RAB27A: variants seen among roughly 807,000 people sequenced by gnomAD.
RAB27A encodes ras-related protein Rab-27A.
Under a neutral mutation model 20.8 loss-of-function variants are expected in RAB27A, and 17 were observed. The observed-to-expected ratio is 0.82, with a 90% CI of 0.56 to 1.23. The LOEUF (loss-of-function observed/expected upper bound fraction) is 1.23, where lower values mean the gene tolerates loss of function less well. RAB27A is among the 50% of genes most tolerant of loss of function. The pLI, the probability that RAB27A is intolerant of heterozygous loss-of-function variation, is 0.00. For missense variants in RAB27A, 277 were observed against 266.7 expected (o/e 1.04, Z -0.27); for synonymous variants, 85 against 92.8 (o/e 0.92, Z 0.48).
intron 2 of RAB27A, among the ~76,000 whole-genome samples, chr15:55,268,244 G>A (rs775130639): frequency 6.6e-6 from 1 of 152,092 alleles, no homozygotes; most frequent in Non-Finnish European, 1.5e-5. Flanking sequence ...CTGATAATGG[G>A]GGTTGGGGTT....
At chr15:55,211,228 C>T (rs533933569) in intron 6 of RAB27A, among the ~76,000 whole-genome samples, 2 of 151,894 alleles carry the variant, frequency 1.3e-5, no homozygotes, top group African/African-American at 2.4e-5. Context: ...AGGATTTTGT[C>T]AGTTATTGAG....
At chr15:55,302,631 G>T (rs1595755467) in intron 2 of RAB27A, among the ~76,000 whole-genome samples, 1 of 121,328 alleles carries the variant, frequency 8.2e-6, no homozygotes, top group Non-Finnish European at 1.7e-5. Context: ...GAAGTGAGGA[G>T]CGCCTCTTCC....
intron 1 of RAB27A, among the ~76,000 whole-genome samples, chr15:55,274,063 C>A (rs774753985): frequency 6.6e-6 from 1 of 152,126 alleles, no homozygotes; most frequent in African/African-American, 2.4e-5. Flanking sequence ...CTGACCACAC[C>A]GATATGTAAC....
intron 6 of RAB27A, among the ~76,000 whole-genome samples, chr15:55,212,554 C>CAG (rs766972612): frequency 0.26 from 37,113 of 142,154 alleles, 6,460 homozygotes; most frequent in African/African-American, 0.49. Context: ...TTTTTTGAGA[C>CAG]AGTCTCACTC....
At chr15:55,229,250 C>T (rs1895938431) in intron 4 of RAB27A, among the ~76,000 whole-genome samples, 1 of 152,062 alleles carries the variant, frequency 6.6e-6, no homozygotes, top group African/African-American at 2.4e-5. Context: ...AGTCAGTTTC[C>T]TCTCGTCTTT....
At chr15:55,218,906 G>A (rs890285043) in intron 6 of RAB27A, among the ~76,000 whole-genome samples, 1 of 151,848 alleles carries the variant, frequency 6.6e-6, no homozygotes, top group African/African-American at 2.4e-5. Flanking sequence ...TCATACCCAG[G>A]TAATTTTTAT....
At chr15:55,305,734 A>G (rs2054993934) in intron 2 of RAB27A, among the ~76,000 whole-genome samples, 1 of 151,850 alleles carries the variant, frequency 6.6e-6, no homozygotes, top group Non-Finnish European at 1.5e-5. Context: ...CAAGTCTAAA[A>G]CTCTTTGATT....
chr15:55,250,243 CT>C lies in RAB27A; in HGVS notation c.-22-15288del, dbSNP rs549759099. On this transcript the variant is annotated intron_variant, in intron 2 of 6. Coordinates refer to ENST00000336787, the MANE Select transcript of RAB27A (RefSeq NM_183235.3). ...CCTTCCAAGGTGCTGGGATTACAGA[CT>C]TGAGCCACTGCGCCTGGACTCCTTC... is the stretch of plus-strand genomic sequence containing the variant. Among the ~76,000 whole-genome samples the C allele has an allele frequency of 6.8e-4, 103 of 152,236 alleles. 4 individuals are homozygous for C. Among genetic ancestry groups the C allele is most frequent in the Admixed American group, 5.4e-3 (82 of 15,288 alleles).
upstream of RAB27A, among the ~76,000 whole-genome samples, chr15:55,291,024 A>G (rs560222969): frequency 6.6e-6 from 1 of 152,344 alleles, no homozygotes; most frequent in African/African-American, 2.4e-5. Flanking sequence ...GGTGGGTCCA[A>G]TTTACAAAAT....
intron 4 of RAB27A, among the ~76,000 whole-genome samples, chr15:55,230,048 C>A (rs1452004325): frequency 1.3e-5 from 2 of 152,138 alleles, no homozygotes; most frequent in Admixed American, 6.5e-5. Flanking sequence ...TTAATTCCAA[C>A]CAGATATCCC....
At chr15:55,244,485 T>C (rs1896613574) in intron 2 of RAB27A, among the ~76,000 whole-genome samples, 2 of 152,006 alleles carry the variant, frequency 1.3e-5, no homozygotes, top group Admixed American at 1.3e-4. Context: ...CTTTTTGTTG[T>C]TGTTGTTGTT....
At chr15:55,309,260 T>C (rs557882469) in intron 2 of RAB27A, among the ~76,000 whole-genome samples, 2 of 152,354 alleles carry the variant, frequency 1.3e-5, no homozygotes, top group Admixed American at 1.3e-4. Flanking sequence ...GGGATGAGGA[T>C]AAGCCAGTAT....
Position 55,270,260 on chromosome 15 carries a change from C to T in RAB27A, c.-118G>A, listed in dbSNP as rs943922642. The T allele has an allele frequency of 6.6e-6, 1 of 152,116 alleles. No individual in the cohort carries two copies. Among genetic ancestry groups the T allele is most frequent in the Non-Finnish European group, 1.5e-5 (1 of 68,016 alleles). 9.4% of individuals were successfully genotyped at this position (152,116 alleles called of 1,614,324 possible). ...CAATTGACAACTTCCAATCACATGT[C>T]CTCTTCAGGAAGGTTACTTTTTGTC... On this transcript the variant is annotated 5_prime_UTR_variant, in exon 2 of 7. Transcript: ENST00000336787.
Position 55,205,575 on chromosome 15 carries a change from G to C in RAB27A, c.598C>G (p.Arg200Gly). 6.2e-7 allele frequency: 1 copy of C among 1,614,022 alleles called. No homozygotes were observed. The highest frequency in any genetic ancestry group is 8.5e-7 in the Non-Finnish European group (1 of 1,179,982). Residue 200 changes from arginine to glycine, a missense_variant, in exon 7 of 7, where the codon CGA (arginine) becomes GGA (glycine). By Grantham distance (125) the Arg-to-Gly change is moderately radical (BLOSUM62 -2). Transcript: ENST00000336787. Reference protein sequence around the residue: ...DKSWIPEGVVRSNGHASTDQL... With the variant: ...DKSWIPEGVVGSNGHASTDQL... Reference sequence around the variant, plus strand: ...TCCGTAGAGGCATGACCATTTGATCGCACCACTCCTTCAGGAATCCAGGAC... The same window carrying C: ...TCCGTAGAGGCATGACCATTTGATCCCACCACTCCTTCAGGAATCCAGGAC...
At chr15:55,285,324 A>C (rs898860182) in intron 1 of RAB27A, among the ~76,000 whole-genome samples, 3 of 152,002 alleles carry the variant, frequency 2.0e-5, no homozygotes, top group African/African-American at 7.2e-5. Context: ...AAAAAAAAAA[A>C]AAACAGGAAA....
chr15:55,265,686 T>G (rs1897449730), intron 2 of RAB27A, among the ~76,000 whole-genome samples: 1 of 151,502 alleles, frequency 6.6e-6, no homozygotes, highest in Non-Finnish European at 1.5e-5. Context: ...GGAACACATC[T>G]TGGGCTGACT....
chr15:55,317,154 A>T (rs1197862811), intron 1 of RAB27A: 1 of 152,194 alleles, frequency 6.6e-6, no homozygotes, highest in Non-Finnish European at 1.5e-5. Context: ...TAAAATGACA[A>T]ATATACAATA....
At chr15:55,236,973 A>G (rs1345204656) in intron 2 of RAB27A, among the ~76,000 whole-genome samples, 3 of 152,134 alleles carry the variant, frequency 2.0e-5, no homozygotes, top group Non-Finnish European at 2.9e-5. Flanking sequence ...ATGCTTGTAC[A>G]CATTAACCAA....
intron 2 of RAB27A, among the ~76,000 whole-genome samples, chr15:55,235,683 C>T (rs1256919185): frequency 6.6e-6 from 1 of 151,934 alleles, no homozygotes; most frequent in Non-Finnish European, 1.5e-5. Flanking sequence ...CCTCCTTTTT[C>T]AAAGTCTCCT....
Sources: gnomAD v4.1 joint callset for allele counts (sites outside exome capture counted in the v4.1 genomes callset) on GRCh38, gnomAD v4.1.1 for gene constraint, MANE v1.5 for transcripts, NCBI Gene and HGNC (gene_info 2026-07-23, HGNC 2026-07-21) for gene names.